The following NBDY variants were observed in gnomAD, a reference collection of about 807,000 sequenced individuals.
NBDY encodes P-body dissociating protein.
At chrX:56,729,932 G>A (rs2069448410) in intron 1 of NBDY, among the ~76,000 whole-genome samples, 1 of 109,497 alleles carries the variant, frequency 9.1e-6, no homozygotes, top group South Asian at 4.0e-4. Context: ...GCTGGGTGAT[G>A]TATATGTAGG....
intron 2 of NBDY, among the ~76,000 whole-genome samples, chrX:56,803,798 T>C (rs765897762): frequency 9.0e-6 from 1 of 111,616 alleles, no homozygotes; most frequent in African/African-American, 3.3e-5. Context: ...CTCCTTTTGC[T>C]TCCAACAAAA....
chrX:56,737,566 C>G, intron 2 of NBDY: 1 of 738,316 alleles, frequency 1.4e-6, no homozygotes, highest in South Asian at 2.4e-5. Context: ...AAATGGCCTG[C>G]TTGCCAGCCA....
At chrX:56,789,914 C>T (rs2069751876) in intron 2 of NBDY, among the ~76,000 whole-genome samples, 1 of 111,481 alleles carries the variant, frequency 9.0e-6, no homozygotes, top group African/African-American at 3.3e-5. Context: ...ATCTTTGTTC[C>T]TGTTCTGCGT....
chrX:56,750,277 A>C (rs1293316855), intron 2 of NBDY, among the ~76,000 whole-genome samples: 1 of 111,036 alleles, frequency 9.0e-6, no homozygotes, highest in African/African-American at 3.3e-5. Context: ...CAACGTTTAA[A>C]ATTCTCTGCT....
intron 2 of NBDY, among the ~76,000 whole-genome samples, chrX:56,809,559 C>T: frequency 8.9e-6 from 1 of 111,890 alleles, no homozygotes; most frequent in Non-Finnish European, 1.9e-5. Context: ...TCTGTTTTAT[C>T]AGAGACTAGG....
At chrX:56,731,549 C>G (rs762544548) in intron 1 of NBDY, among the ~76,000 whole-genome samples, 1 of 109,216 alleles carries the variant, frequency 9.2e-6, no homozygotes, top group Admixed American at 9.8e-5. Context: ...CCAGCCTGGG[C>G]GACAGACCGG....
chrX:56,738,952 G>C (rs1318563137), intron 2 of NBDY, among the ~76,000 whole-genome samples: 2 of 109,431 alleles, frequency 1.8e-5, no homozygotes, highest in African/African-American at 6.7e-5. Context: ...GATTCTTCTT[G>C]GTTTCTCTGT....
At chrX:56,784,378 CCT>C (rs1214376085) in intron 2 of NBDY, among the ~76,000 whole-genome samples, 4 of 110,878 alleles carry the variant, frequency 3.6e-5, no homozygotes, top group African/African-American at 1.3e-4. Context: ...CCTTCAGCTC[CCT>C]CTCTCTCTCT....
intron 2 of NBDY, among the ~76,000 whole-genome samples, chrX:56,817,108 A>G: frequency 9.0e-6 from 1 of 111,577 alleles, no homozygotes; most frequent in Non-Finnish European, 1.9e-5. Flanking sequence ...TTTGCATTCA[A>G]ATACATTAGA....
chrX:56,740,797 T>C (rs745917051), intron 2 of NBDY, among the ~76,000 whole-genome samples: 11 of 111,312 alleles, frequency 9.9e-5, no homozygotes, highest in Non-Finnish European at 1.7e-4. Context: ...TTTTGATACA[T>C]GCAAAGTGTA....
intron 2 of NBDY, among the ~76,000 whole-genome samples, chrX:56,799,510 C>T (rs748931803): frequency 8.8e-6 from 1 of 113,344 alleles, no homozygotes; most frequent in African/African-American, 3.2e-5. Flanking sequence ...GTTCCAATGG[C>T]AGGTACACTT....
chrX:56,799,836 T>C (rs2069813250), intron 2 of NBDY, among the ~76,000 whole-genome samples: 1 of 112,596 alleles, frequency 8.9e-6, no homozygotes, highest in Non-Finnish European at 1.9e-5. Flanking sequence ...ACCTATGTGG[T>C]TACTTTGGGG....
At chrX:56,792,271 G>A (rs1220792827) in intron 2 of NBDY, among the ~76,000 whole-genome samples, 1 of 111,372 alleles carries the variant, frequency 9.0e-6, no homozygotes, top group Admixed American at 9.6e-5. Context: ...CTCATGGGTT[G>A]CCATTATTTC....
chrX:56,762,439 C>T lies in NBDY; in HGVS notation c.*166+30240C>T, dbSNP rs573261519. On this transcript the variant is annotated intron_variant, in intron 2 of 2. Coordinates refer to ENST00000374922, the MANE Select transcript of NBDY (RefSeq NM_001348129.2). ...CTGCTCCTTGGTAATGGGGGATGTC[C>T]CTCTGCGTGCTAGGCAAGGAGAAAG... 2.2e-4 allele frequency among the ~76,000 whole-genome samples: 24 copies of T among 110,806 alleles called. No individual in the cohort carries two copies. In the South Asian group the frequency reaches 9.3e-3, roughly 43 times the overall value.
At chrX:56,808,318 T>C (rs985990401) in intron 2 of NBDY, among the ~76,000 whole-genome samples, 1 of 111,911 alleles carries the variant, frequency 8.9e-6, no homozygotes, top group Admixed American at 9.4e-5. Context: ...TTTGGAATAG[T>C]TTCAGAAGGA....
At chrX:56,792,851 A>G (rs1398518853) in intron 2 of NBDY, among the ~76,000 whole-genome samples, 2 of 111,395 alleles carry the variant, frequency 1.8e-5, no homozygotes, top group Non-Finnish European at 3.8e-5. Context: ...CTGTTATCAG[A>G]TAGGCCCAAG....
chrX:56,811,215 T>C (rs2069884610), intron 2 of NBDY: 1 of 111,875 alleles, frequency 8.9e-6, no homozygotes, highest in South Asian at 3.8e-4. Context: ...TGTCTCCCAG[T>C]CAGGATACAT....
intron 2 of NBDY, among the ~76,000 whole-genome samples, chrX:56,753,057 T>C (rs2069593490): frequency 8.9e-6 from 1 of 112,517 alleles, no homozygotes; most frequent in Non-Finnish European, 1.9e-5. Flanking sequence ...GAAGAAGAGA[T>C]CTTAAACGTT....
intron 2 of NBDY, among the ~76,000 whole-genome samples, chrX:56,810,440 C>G (rs1330752834): frequency 9.1e-6 from 1 of 110,456 alleles, no homozygotes; most frequent in Non-Finnish European, 1.9e-5. Context: ...GGAGGTTTTG[C>G]TCATTTCTTG....
Sources: allele counts gnomAD v4.1 joint callset (sites outside exome capture counted in the v4.1 genomes callset), GRCh38; gene constraint gnomAD v4.1.1; transcripts MANE v1.5; gene names NCBI Gene and HGNC (gene_info 2026-07-23, HGNC 2026-07-21).